Variants in CFAP70 observed in about 807,000 individuals in gnomAD.
The protein encoded by CFAP70 is cilia- and flagella-associated protein 70.
CFAP70 carries 81 observed loss-of-function variants against 137.6 expected under a neutral mutation model. The ratio of observed to expected loss-of-function variants is 0.59; its 90% CI spans 0.49 to 0.71. The LOEUF (loss-of-function observed/expected upper bound fraction) is 0.71. CFAP70 is among the 30% of genes least tolerant of loss of function. The pLI is 0.00. For synonymous variants in CFAP70, 382 were observed against 423.6 expected, an observed-to-expected ratio of 0.90 and a Z score of 1.20; for missense variants, 976 against 1,226.7, an observed-to-expected ratio of 0.80 and a Z score of 3.05.
intron 19 of CFAP70, among the ~76,000 whole-genome samples, chr10:73,280,070 G>A (rs1250416606): frequency 6.6e-6 from 1 of 152,030 alleles, no homozygotes; most frequent in Non-Finnish European, 1.5e-5. Flanking sequence ...AGCTATCCCG[G>A]TGATAAATTA....
chr10:73,286,211 G>A (rs532197633), intron 19 of CFAP70, among the ~76,000 whole-genome samples: 3 of 152,204 alleles, frequency 2.0e-5, no homozygotes, highest in South Asian at 2.1e-4. Context: ...TTGGGAGGCC[G>A]AGGCGGGCGG....
Position 73,275,482 on chromosome 10 carries a change from C to T in CFAP70, c.2637G>A (p.Glu879=). 1.2e-6 allele frequency: 2 copies of T among 1,610,492 alleles called. No individual in the cohort carries two copies. The highest frequency in any genetic ancestry group is 2.7e-5 in the African/African-American group (2 of 74,780). The change falls in exon 22 of 27, where the codon GAG becomes GAA. Residue 879 remains glutamate, a synonymous_variant. Transcript: ENST00000310715. The surrounding 1 kb of genome is among the most constrained non-coding windows in gnomAD (Gnocchi z 4.0). ...TCTGGGCTGCTTGTTGAAGGTATTCCTCTGCCTTGGCAAAGTTCTTCTTAA... is the reference window on the plus strand; with the variant it reads ...TCTGGGCTGCTTGTTGAAGGTATTCTTCTGCCTTGGCAAAGTTCTTCTTAA...
At chr10:73,358,830 G>A (rs537651383), upstream of CFAP70, 1 of 152,412 alleles carries the variant, frequency 6.6e-6, no homozygotes, top group African/African-American at 2.4e-5. Flanking sequence ...AACCCTCTGG[G>A]GCCGGGAGCA....
chr10:73,289,827 C>G (rs1406945246), intron 19 of CFAP70, among the ~76,000 whole-genome samples: 3 of 151,940 alleles, frequency 2.0e-5, no homozygotes, highest in African/African-American at 4.8e-5. Context: ...AGGCAGATTG[C>G]CTGAGGTCAG....
Position 73,291,453 on chromosome 10 carries a change from A to C in CFAP70, c.2021-9T>G. On this transcript the variant is annotated splice_polypyrimidine_tract_variant and intron_variant, in intron 18 of 26. Coordinates refer to ENST00000310715, the Ensembl canonical transcript of CFAP70. ...AATTTCATAGTACAAACCTGGGGAAAGAAAAATGTTGAAATACATATGACT... is the reference window on the plus strand; with the variant it reads ...AATTTCATAGTACAAACCTGGGGAACGAAAAATGTTGAAATACATATGACT... The C allele has an allele frequency of 5.6e-6, 9 of 1,612,590 alleles. No individual in the cohort carries two copies. The highest frequency in any genetic ancestry group is 7.6e-6 in the Non-Finnish European group (9 of 1,178,650).
chr10:73,336,091 C>A (rs1192840657), intron 6 of CFAP70, among the ~76,000 whole-genome samples: 1 of 148,818 alleles, frequency 6.7e-6, no homozygotes, highest in Non-Finnish European at 1.5e-5. Context: ...CAATGAGCCT[C>A]AATAATCGCA....
intron 25 of CFAP70, among the ~76,000 whole-genome samples, chr10:73,259,754 G>A (rs150268361): frequency 3.2e-4 from 49 of 152,278 alleles, no homozygotes; most frequent in Non-Finnish European, 6.0e-4. Flanking sequence ...CACAGGGCTG[G>A]GTGCAGCAGT....
At chr10:73,276,917 G>C in intron 21 of CFAP70, 2 of 185,242 alleles carry the variant, frequency 1.1e-5, no homozygotes, top group Non-Finnish European at 2.2e-5. Flanking sequence ...GGGAAGAAGG[G>C]AATGATTTGG....
chr10:73,312,517 C>G (rs375706708), exon 10 of CFAP70: 1 of 1,612,100 alleles, frequency 6.2e-7, no homozygotes, highest in African/African-American at 1.3e-5. Flanking sequence ...TTTTCTTTCA[C>G]TGGTTTATCT....
chr10:73,361,294 T>C (rs971761325), upstream of CFAP70, among the ~76,000 whole-genome samples: 2 of 101,776 alleles, frequency 2.0e-5, no homozygotes, highest in African/African-American at 5.6e-5. Flanking sequence ...ATGCCCGGCC[T>C]TTTTTTTTTT....
chr10:73,311,823 T>C lies in CFAP70; in HGVS notation c.1164+11A>G. On this transcript the variant is annotated intron_variant, in intron 11 of 26. Coordinates refer to ENST00000310715, the Ensembl canonical transcript of CFAP70. ...CTTAAACTTAATTTTCCAAACTTCA[T>C]GCACAATTACCTGTCCTTCAGGATT... is the stretch of plus-strand genomic sequence containing the variant. The C allele has an allele frequency of 6.2e-7, 1 of 1,603,718 alleles. No individual in the cohort carries two copies. Among genetic ancestry groups the C allele is most frequent in the Non-Finnish European group, 8.5e-7 (1 of 1,171,510 alleles).
chr10:73,261,366 G>A (rs2045166277), intron 25 of CFAP70, among the ~76,000 whole-genome samples: 1 of 152,134 alleles, frequency 6.6e-6, no homozygotes, highest in Admixed American at 6.5e-5. Context: ...ACATACCAGA[G>A]ACTGGGCAAT....
intron 6 of CFAP70, among the ~76,000 whole-genome samples, chr10:73,336,270 C>A (rs1035434975): frequency 2.0e-5 from 3 of 152,050 alleles, no homozygotes; most frequent in African/African-American, 7.2e-5. Context: ...TAATGTGCAG[C>A]CAGGGTTGAG....
chr10:73,317,248 C>A (rs548329843), intron 9 of CFAP70, among the ~76,000 whole-genome samples: 134 of 152,236 alleles, frequency 8.8e-4, no homozygotes, highest in African/African-American at 3.1e-3. Context: ...AAACTCCTGA[C>A]CTTAGGTGAT....
intron 4 of CFAP70, among the ~76,000 whole-genome samples, chr10:73,346,664 T>C (rs1199774221): frequency 6.6e-6 from 1 of 151,960 alleles, no homozygotes; most frequent in Admixed American, 6.6e-5. Context: ...AGAATGTGTA[T>C]TGAATGCTAG....
chr10:73,318,785 T>C (rs965745616), intron 9 of CFAP70, among the ~76,000 whole-genome samples: 51 of 152,234 alleles, frequency 3.4e-4, no homozygotes, highest in African/African-American at 1.2e-3. Context: ...TATCTTCATA[T>C]AGAAAGGTTT....
Position 73,291,570 on chromosome 10 carries a change from G to T in CFAP70, c.2020+70C>A, listed in dbSNP as rs146810363. 3.8e-5 allele frequency: 57 copies of T among 1,498,054 alleles called. No homozygotes were observed. In the East Asian group the frequency reaches 1.2e-3, roughly 33 times the overall value. The allele number at this position is 1,498,054 out of a possible 1,614,324, so 92.8% of individuals were successfully genotyped here. ...AAGAACTACATGATGAGCCATTGAA[G>T]AAGAGAAAGGAAAAAGGGAAAATCT... On this transcript the variant is annotated intron_variant, in intron 18 of 26. Transcript: ENST00000310715.
At chr10:73,297,874 G>C (rs2048656550) in intron 14 of CFAP70, among the ~76,000 whole-genome samples, 1 of 152,102 alleles carries the variant, frequency 6.6e-6, no homozygotes, top group Admixed American at 6.6e-5. Flanking sequence ...AGAAACTGAG[G>C]CACAGAGAGA....
At chr10:73,269,590 T>C (rs373568516) in intron 25 of CFAP70, 24 bp downstream of exon 26, 95 of 1,560,990 alleles carry the variant, frequency 6.1e-5, no homozygotes, top group Non-Finnish European at 7.6e-5. Context: ...AAAAGGGCAT[T>C]GTGTAAGGAT....
Sources: gnomAD v4.1 joint callset for allele counts (sites outside exome capture counted in the v4.1 genomes callset) on GRCh38, gnomAD v4.1.1 for gene constraint, Gnocchi (gnomAD v3.1) non-coding constraint, MANE v1.5 for transcripts, NCBI Gene and HGNC (gene_info 2026-07-23, HGNC 2026-07-21) for gene names.